Variants in PRKDC observed in about 807,000 individuals in gnomAD.
PRKDC encodes protein kinase, DNA-activated, catalytic subunit, also known as DNA-dependent protein kinase catalytic subunit.
A neutral mutation model predicts 486.9 loss-of-function variants in PRKDC; 82 were observed. The observed-to-expected ratio is 0.17, with a 90% CI of 0.14 to 0.20. The LOEUF (loss-of-function observed/expected upper bound fraction) is 0.20. Ranked by LOEUF, PRKDC falls within the 10% of genes least tolerant of loss-of-function variation. The pLI, the probability that PRKDC is intolerant of heterozygous loss-of-function variation, is 1.00. For synonymous variants in PRKDC, 1,895 were observed against 1,837.0 expected, an observed-to-expected ratio of 1.03 and a Z score of -0.81; for missense variants, 4,504 against 5,038.2, an observed-to-expected ratio of 0.89 and a Z score of 3.21.
chr8:47,917,319 T>A (rs2090002499), intron 22 of PRKDC, among the ~76,000 whole-genome samples: 1 of 152,170 alleles, frequency 6.6e-6, no homozygotes, highest in African/African-American at 2.4e-5. Flanking sequence ...TATATTTATT[T>A]TATCCTGCTG....
rs769796242 is a variant in PRKDC, at chr8:47,862,088, G to A, written c.5959C>T (p.Arg1987Cys). 3.2e-5 allele frequency: 50 copies of A among 1,552,402 alleles called. No homozygotes were observed. The highest frequency in any genetic ancestry group is 4.8e-5 in the East Asian group (2 of 41,670). The change falls in exon 44 of 86, where the codon CGC (arginine) becomes TGC (cysteine). Residue 1987 changes from arginine (R) to cysteine (C), a missense_variant. Physicochemically the swap from Arg to Cys is radical, Grantham distance 180. Transcript: ENST00000314191. ...TCAACTTCTACAGGAAAATTATAGC[G>A]GCGCTTCAGGTCGATCAGATTTTCA... ...IFENLIDLKR[R>C]YNFPVEVEVP...
chr8:47,864,528 C>A, intron 41 of PRKDC, 28 bp downstream of exon 41: 2 of 1,575,998 alleles, frequency 1.3e-6, no homozygotes, highest in Non-Finnish European at 1.7e-6. Flanking sequence ...CTGCTCACTT[C>A]TTATTACTGA....
intron 78 of PRKDC, 103 bp downstream of exon 78, chr8:47,783,639 G>C: frequency 9.2e-7 from 1 of 1,090,274 alleles, no homozygotes; most frequent in Non-Finnish European, 1.4e-6. Flanking sequence ...ATATATCTGT[G>C]ATCAACATGG....
chr8:47,903,939 T>C (rs11780327), intron 26 of PRKDC, among the ~76,000 whole-genome samples: 5,040 of 152,284 alleles, frequency 0.033, 118 homozygotes, highest in Non-Finnish European at 0.051. Flanking sequence ...CTAACGAATG[T>C]TCAGTCACTC....
At chr8:47,842,565 G>C (rs1426941626) in intron 54 of PRKDC, among the ~76,000 whole-genome samples, 1 of 151,924 alleles carries the variant, frequency 6.6e-6, no homozygotes, top group Non-Finnish European at 1.5e-5. Flanking sequence ...CAAGGAAAAT[G>C]ATGAATAAGA....
intron 22 of PRKDC, 76 bp downstream of exon 22, chr8:47,918,201 G>T (rs754702297): frequency 1.4e-4 from 139 of 981,872 alleles, no homozygotes; most frequent in Non-Finnish European, 2.0e-4. Context: ...TTTAAATGAA[G>T]ATTTTTACTT....
At chr8:47,894,145 G>A (rs532689240) in intron 30 of PRKDC, among the ~76,000 whole-genome samples, 1 of 152,240 alleles carries the variant, frequency 6.6e-6, no homozygotes, top group Admixed American at 6.5e-5. Flanking sequence ...GCCAGGCGTG[G>A]TGGTGCGCGC....
intron 59 of PRKDC, 55 bp from the exon 60 acceptor site, chr8:47,831,981 C>T: frequency 6.7e-7 from 1 of 1,500,600 alleles, no homozygotes; most frequent in Non-Finnish European, 9.2e-7. Context: ...CTTGGCTCTG[C>T]TGGTTCATTT....
chr8:47,863,831 G>T (rs2088736285), intron 41 of PRKDC, among the ~76,000 whole-genome samples: 1 of 152,164 alleles, frequency 6.6e-6, no homozygotes, highest in African/African-American at 2.4e-5. Context: ...GAAAATGTTT[G>T]CACAAAATCT....
At position 47,927,870 on chromosome 8, in the gene PRKDC, C is replaced by G. The variant is rs772649454; in HGVS notation, c.2160G>C (p.Gln720His). 1 of 1,583,746 alleles carries G rather than the reference C, an allele frequency of 6.3e-7. No homozygotes were observed. The highest frequency in any genetic ancestry group is 8.6e-7 in the Non-Finnish European group (1 of 1,166,658). ...FGKEVAVKMK[Q>H]YKDELLASCL... ...AAGAGGCCAAAAGTTCATCTTTGTA[C>G]TGCTTCATTTTAACTGCCACCTTAA... The change falls in exon 20 of 86, where the codon CAG (glutamine) becomes CAC (histidine). Residue 720 changes from glutamine (Q) to histidine (H), a missense_variant. By Grantham distance (24) the Gln-to-His change is conservative (BLOSUM62 0). Transcript: ENST00000314191.
At chr8:47,813,176 G>A (rs1164102673) in intron 68 of PRKDC, among the ~76,000 whole-genome samples, 1 of 151,716 alleles carries the variant, frequency 6.6e-6, no homozygotes. Context: ...GGAATGCAAT[G>A]GCACGATCTC....
intron 54 of PRKDC, among the ~76,000 whole-genome samples, chr8:47,845,568 T>A (rs1398861697): frequency 6.6e-6 from 1 of 150,620 alleles, no homozygotes; most frequent in Non-Finnish European, 1.5e-5. Context: ...CCTGGAAACA[T>A]ACAACCTCCC....
At chr8:47,825,673 A>C (rs1054556314) in intron 63 of PRKDC, among the ~76,000 whole-genome samples, 1 of 152,244 alleles carries the variant, frequency 6.6e-6, no homozygotes, top group African/African-American at 2.4e-5. Flanking sequence ...GCAAATACAC[A>C]TTATGTATGT....
chr8:47,788,535 C>T (rs888765596), intron 76 of PRKDC, among the ~76,000 whole-genome samples: 2 of 152,142 alleles, frequency 1.3e-5, no homozygotes, highest in African/African-American at 4.8e-5. Flanking sequence ...AACTGTGCCC[C>T]GAACTAAGTG....
chr8:47,923,339 C>T (rs571162097), intron 21 of PRKDC, among the ~76,000 whole-genome samples: 1 of 152,314 alleles, frequency 6.6e-6, no homozygotes, highest in African/African-American at 2.4e-5. Flanking sequence ...GCGTGAGCCA[C>T]TGTGTGCAGC....
At chr8:47,888,429 A>G (rs965649785) in intron 34 of PRKDC, 89 bp downstream of exon 34, 41 of 1,207,702 alleles carry the variant, frequency 3.4e-5, no homozygotes, top group Non-Finnish European at 4.4e-5. Flanking sequence ...TGCTCAATAC[A>G]TAAAGGACTT....
intron 68 of PRKDC, among the ~76,000 whole-genome samples, chr8:47,815,686 G>A (rs2087427885): frequency 6.6e-6 from 1 of 152,202 alleles, no homozygotes; most frequent in Admixed American, 6.5e-5. Context: ...CTTACAATAA[G>A]ATGTAGACTA....
In PRKDC at chr8:47,911,453, G is replaced by T. The variant is rs2089901094; in HGVS notation, c.2934+957C>A. ...ATGCCTTCCAGGCTTCCATGGAGAG[G>T]TTCATTGCTACGTTAAATCTATTTC... is the stretch of plus-strand genomic sequence containing the variant. On this transcript the variant is annotated intron_variant, in intron 25 of 85. Transcript: ENST00000314191. Among the ~76,000 whole-genome samples the T allele has an allele frequency of 2.6e-5, 4 of 152,204 alleles. No individual in the cohort carries two copies. In the South Asian group the frequency reaches 8.3e-4, roughly 31 times the overall value.
chr8:47,928,150 G>A (rs1484129936), intron 19 of PRKDC, among the ~76,000 whole-genome samples: 1 of 151,254 alleles, frequency 6.6e-6, no homozygotes, highest in African/African-American at 2.4e-5. Context: ...GAGAGCTTGA[G>A]GGACTTTTTT....
Sources: gnomAD v4.1 joint callset for allele counts (sites outside exome capture counted in the v4.1 genomes callset) on GRCh38, gnomAD v4.1.1 for gene constraint, MANE v1.5 for transcripts, NCBI Gene and HGNC (gene_info 2026-07-23, HGNC 2026-07-21) for gene names.